The following HERC6 variants were observed in gnomAD, a reference collection of about 807,000 sequenced individuals.
The protein encoded by HERC6 is probable E3 ubiquitin-protein ligase HERC6.
A neutral mutation model predicts 114.5 loss-of-function variants in HERC6; 101 were observed. The ratio of observed to expected loss-of-function variants is 0.88; its 90% confidence interval spans 0.75 to 1.04. The LOEUF (loss-of-function observed/expected upper bound fraction) is 1.04, where lower values mean the gene tolerates loss of function less well. Among genes scored for constraint, HERC6 ranks in the 50% least tolerant of loss-of-function variants. The pLI is 0.00. For synonymous variants in HERC6, 408 were observed against 436.2 expected, an observed-to-expected ratio of 0.94 and a Z score of 0.81; for missense variants, 1,133 against 1,230.9, an observed-to-expected ratio of 0.92 and a Z score of 1.19.
intron 3 of HERC6, among the ~76,000 whole-genome samples, chr4:88,389,678 C>T (rs1018896391): frequency 4.6e-5 from 7 of 151,514 alleles, no homozygotes; most frequent in East Asian, 1.9e-4. Flanking sequence ...TGGACCGCCC[C>T]GCTTGCCTTT....
intron 16 of HERC6, among the ~76,000 whole-genome samples, chr4:88,429,211 G>A (rs1737944236): frequency 6.6e-6 from 1 of 152,192 alleles, no homozygotes; most frequent in African/African-American, 2.4e-5. Context: ...GAGCAAGCAT[G>A]TTCTTCCCAC....
chr4:88,408,157 G>A (rs921204996), intron 10 of HERC6, among the ~76,000 whole-genome samples: 9 of 152,156 alleles, frequency 5.9e-5, no homozygotes, highest in African/African-American at 2.2e-4. Flanking sequence ...CAGTGGAATT[G>A]CAAAGTTCTG....
chr4:88,423,715 C>G, intron 13 of HERC6, 145 bp from the exon 14 acceptor site: 1 of 416,310 alleles, frequency 2.4e-6, no homozygotes, highest in Non-Finnish European at 4.3e-6. Context: ...CTTTATAGAA[C>G]TCTATTTCAT....
chr4:88,379,230 GGCGCGGGGGCCCAGGT>G, intron 1 of HERC6, 110 bp downstream of exon 1: 1 of 876,918 alleles, frequency 1.1e-6, no homozygotes, highest in South Asian at 1.9e-5. Context: ...CCGGGTGAGG[GGCGCGGGGGCCCAGGT>G]GCAGGGAGCG....
chr4:88,393,445 A>T (rs933868626), intron 4 of HERC6, 43 bp from the exon 5 acceptor site: 1 of 1,116,574 alleles, frequency 9.0e-7, no homozygotes, highest in East Asian at 2.4e-5. Context: ...ATGAAATCTG[A>T]GTCTGTTTCT....
Position 88,436,990 on chromosome 4 carries a change from C to A in HERC6, c.2484+19C>A. The A allele has an allele frequency of 6.5e-7, 1 of 1,532,148 alleles. No individual in the cohort carries two copies. Among genetic ancestry groups the A allele is most frequent in the Non-Finnish European group, 8.9e-7 (1 of 1,122,388 alleles). 94.9% of individuals were successfully genotyped at this position (1,532,148 alleles called of 1,614,324 possible). On this transcript the variant is annotated intron_variant, in intron 19 of 22. Coordinates refer to ENST00000264346, the MANE Select transcript of HERC6 (RefSeq NM_017912.4). ...CTTTTCTGTGAGTACTAATGAAAGC[C>A]AAATTATAGTTTAGCTTTAATCTGT...
intron 16 of HERC6, 122 bp from the exon 17 acceptor site, chr4:88,431,040 G>C: frequency 1.2e-6 from 1 of 816,500 alleles, no homozygotes; most frequent in Non-Finnish European, 2.0e-6. Context: ...AAGGAGGTAA[G>C]GGCTATGTGA....
At chr4:88,382,648 A>G (rs1734380195) in intron 1 of HERC6, among the ~76,000 whole-genome samples, 1 of 152,186 alleles carries the variant, frequency 6.6e-6, no homozygotes, top group African/African-American at 2.4e-5. Context: ...TGTTTTTAAG[A>G]GTCAATTTGA....
At chr4:88,397,403 C>T (rs1415688332) in intron 7 of HERC6, among the ~76,000 whole-genome samples, 1 of 151,954 alleles carries the variant, frequency 6.6e-6, no homozygotes, top group Admixed American at 6.6e-5. Context: ...TGAGCCACCG[C>T]GCCTGGCTGT....
In HERC6 at chr4:88,440,264, T is replaced by C. The variant is rs756856236; in HGVS notation, c.2842+14T>C. The C allele has an allele frequency of 7.6e-7, 1 of 1,311,450 alleles. No individual in the cohort carries two copies. The highest frequency in any genetic ancestry group is 1.3e-5 in the South Asian group (1 of 79,796). The allele number at this position is 1,311,450 out of a possible 1,614,324, so 81.2% of individuals were successfully genotyped here. The stretch of plus-strand genomic sequence containing the variant: ...AAAAATTCCTCTGTAAGTACTGTGG[T>C]ACTAGATGGACACATAATTATGTAT... On this transcript the variant is annotated intron_variant, in intron 22 of 22. Coordinates refer to ENST00000264346, the MANE Select transcript of HERC6 (RefSeq NM_017912.4).
intron 3 of HERC6, among the ~76,000 whole-genome samples, chr4:88,388,504 T>C (rs1734712741): frequency 6.7e-6 from 1 of 149,022 alleles, no homozygotes; most frequent in African/African-American, 2.5e-5. Flanking sequence ...TGAGCTGGGA[T>C]TGTGCCATTG....
At chr4:88,440,953 G>A (rs1739291121) in intron 22 of HERC6, among the ~76,000 whole-genome samples, 1 of 152,048 alleles carries the variant, frequency 6.6e-6, no homozygotes, top group African/African-American at 2.4e-5. Flanking sequence ...CACCATTCTT[G>A]CAGGTGGGTC....
intron 15 of HERC6, among the ~76,000 whole-genome samples, chr4:88,428,354 C>T (rs1737836806): frequency 6.6e-6 from 1 of 152,164 alleles, no homozygotes; most frequent in African/African-American, 2.4e-5. Context: ...AACTAATCTC[C>T]TGTACACAAT....
At chr4:88,439,109 T>C (rs1026302582) in intron 20 of HERC6, among the ~76,000 whole-genome samples, 2 of 152,128 alleles carry the variant, frequency 1.3e-5, no homozygotes, top group African/African-American at 4.8e-5. Context: ...CTTACTTATA[T>C]TGAAATCTAA....
intron 1 of HERC6, among the ~76,000 whole-genome samples, chr4:88,382,127 C>T (rs911559643): frequency 5.3e-5 from 8 of 152,024 alleles, no homozygotes; most frequent in African/African-American, 1.9e-4. Context: ...AAATTTTAAC[C>T]TTGCATAAAT....
At position 88,442,814 on chromosome 4, in the gene HERC6, T is replaced by C. The variant is rs76211485; in HGVS notation, c.*354T>C. On this transcript the variant is annotated 3_prime_UTR_variant, in exon 23 of 23. Coordinates refer to ENST00000264346, the MANE Select transcript of HERC6 (RefSeq NM_017912.4). ...GCCAGACCTGCACTCTGGCCAATGA[T>C]TGGTTCATTCCAGGACATTCATTTG... is the stretch of plus-strand genomic sequence containing the variant. 8.8e-3 allele frequency: 2,450 copies of C among 276,846 alleles called. 81 individuals are homozygous for C. The highest frequency in any genetic ancestry group is 0.049 in the African/African-American group (2,310 of 46,908). 17.1% of individuals were successfully genotyped at this position (276,846 alleles called of 1,614,324 possible).
chr4:88,397,119 TA>T (rs1394610307), intron 7 of HERC6, 132 bp downstream of exon 7: 9 of 720,248 alleles, frequency 1.2e-5, no homozygotes, highest in Non-Finnish European at 1.7e-5. Context: ...TTTATTTATT[TA>T]TTTTTTTTTG....
In HERC6 at chr4:88,405,714, C is replaced by G. The variant is rs192008932; in HGVS notation, c.1274+101C>G. On this transcript the variant is annotated intron_variant, in intron 10 of 22. Coordinates refer to ENST00000264346, the MANE Select transcript of HERC6 (RefSeq NM_017912.4). ...ATTTGTGAATTTTGTTATTCTTGCC[C>G]ACAAAGTCCAACACAGAGAACTCTG... 4 of 586,948 alleles carry G rather than the reference C, an allele frequency of 6.8e-6. No individual in the cohort carries two copies. The East Asian group carries it at 1.3e-4, about 19-fold the overall frequency. The allele number at this position is 586,948 out of a possible 1,614,324, so 36.4% of individuals were successfully genotyped here.
intron 12 of HERC6, among the ~76,000 whole-genome samples, chr4:88,416,654 T>C (rs916771399): frequency 6.6e-6 from 1 of 152,092 alleles, no homozygotes; most frequent in Non-Finnish European, 1.5e-5. Context: ...GAAGTTTATC[T>C]TGGTTAAACA....
Sources: gnomAD v4.1 joint callset for allele counts (sites outside exome capture counted in the v4.1 genomes callset) on GRCh38, gnomAD v4.1.1 for gene constraint, MANE v1.5 for transcripts, NCBI Gene and HGNC (gene_info 2026-07-23, HGNC 2026-07-21) for gene names.